Variants in SLIT3 observed in about 807,000 individuals in gnomAD.
SLIT3 encodes slit homolog 3 protein.
In SLIT3, 68 loss-of-function variants were observed where a neutral mutation model predicts 184.0. That is an observed-to-expected ratio of 0.37 (90% CI 0.30 to 0.45). The LOEUF is 0.45. SLIT3 is among the 20% of genes least tolerant of loss of function. The pLI is 1.00. For missense variants in SLIT3, 1,707 were observed against 2,026.0 expected (o/e 0.84, Z 3.02); for synonymous variants, 831 against 828.6 (o/e 1.00, Z -0.05).
At chr5:168,813,174 G>T (rs936871254) in intron 8 of SLIT3, among the ~76,000 whole-genome samples, 1 of 152,186 alleles carries the variant, frequency 6.6e-6, no homozygotes. Context: ...AGAGATAACT[G>T]ATTTAGGAGG....
intron 34 of SLIT3, 40 bp downstream of exon 34, chr5:168,671,158 G>A: frequency 6.3e-7 from 1 of 1,584,158 alleles, no homozygotes; most frequent in Non-Finnish European, 8.6e-7. Context: ...AGGCCATTCT[G>A]GGAGCTCGAG....
At chr5:169,125,278 C>A (rs542328764) in intron 4 of SLIT3, among the ~76,000 whole-genome samples, 1 of 152,190 alleles carries the variant, frequency 6.6e-6, no homozygotes, top group Non-Finnish European at 1.5e-5. Context: ...GATCTTCTGA[C>A]GTGGTGATCC....
chr5:169,144,192 C>A (rs963589809), intron 4 of SLIT3, among the ~76,000 whole-genome samples: 3 of 152,184 alleles, frequency 2.0e-5, no homozygotes, highest in East Asian at 1.9e-4. Flanking sequence ...CTTTATTTTC[C>A]ATTCTTTGAA....
At chr5:169,163,548 C>T (rs1011660902) in intron 4 of SLIT3, among the ~76,000 whole-genome samples, 4 of 152,110 alleles carry the variant, frequency 2.6e-5, no homozygotes, top group African/African-American at 9.7e-5. Flanking sequence ...CTCCCTTTTC[C>T]CTAGTGTCTC....
chr5:168,892,895 G>A (rs751626743), intron 4 of SLIT3, among the ~76,000 whole-genome samples: 1 of 152,192 alleles, frequency 6.6e-6, no homozygotes, highest in Admixed American at 6.5e-5. Context: ...TACATTAGGT[G>A]GGATTGGGGA....
Position 169,289,958 on chromosome 5 carries a change from G to A in SLIT3, c.197+10555C>T, listed in dbSNP as rs567377460. 8.6e-5 allele frequency among the ~76,000 whole-genome samples: 13 copies of A among 151,960 alleles called. No individual in the cohort carries two copies. The East Asian group carries it at 2.5e-3, about 29-fold the overall frequency. On this transcript the variant is annotated intron_variant, in intron 1 of 35. Coordinates refer to ENST00000519560, the MANE Select transcript of SLIT3 (RefSeq NM_003062.4). ...GAACATACACCAGGGCATACGCTAAGGCACACACTAGGGAATATGCTAGGG... is the reference window on the plus strand; with the variant it reads ...GAACATACACCAGGGCATACGCTAAAGCACACACTAGGGAATATGCTAGGG...
intron 4 of SLIT3, chr5:169,023,837 G>A (rs1324683957): frequency 6.6e-6 from 1 of 152,184 alleles, no homozygotes; most frequent in African/African-American, 2.4e-5. Flanking sequence ...AAAGACAGAG[G>A]TGAGCTGGTA....
At chr5:169,121,483 T>TG (rs1240002904) in intron 4 of SLIT3, among the ~76,000 whole-genome samples, 3 of 152,202 alleles carry the variant, frequency 2.0e-5, no homozygotes, top group African/African-American at 7.2e-5. Context: ...TTACTGACAC[T>TG]GAGGCTGCTG....
intron 4 of SLIT3, among the ~76,000 whole-genome samples, chr5:169,134,296 C>T (rs796657568): frequency 1.3e-5 from 2 of 152,310 alleles, no homozygotes; most frequent in African/African-American, 4.8e-5. Flanking sequence ...GTGGGCCCCT[C>T]GGTCTCTTTG....
At chr5:168,868,607 C>T (rs1255302053) in intron 5 of SLIT3, among the ~76,000 whole-genome samples, 1 of 151,630 alleles carries the variant, frequency 6.6e-6, no homozygotes, top group African/African-American at 2.4e-5. Flanking sequence ...AATTAGCTGG[C>T]CGTGGTGGCG....
At chr5:168,877,120 TG>T (rs2113777883) in intron 5 of SLIT3, among the ~76,000 whole-genome samples, 1 of 152,312 alleles carries the variant, frequency 6.6e-6, no homozygotes, top group South Asian at 2.1e-4. Flanking sequence ...AGGTTTGCTA[TG>T]TGCATCCAGA....
At chr5:169,098,733 T>C (rs964731395) in intron 4 of SLIT3, among the ~76,000 whole-genome samples, 1 of 152,232 alleles carries the variant, frequency 6.6e-6, no homozygotes, top group Admixed American at 6.5e-5. Flanking sequence ...CATTTGATCA[T>C]ACGTCTCCTT....
chr5:168,789,526 C>T (rs1243114178), intron 11 of SLIT3, 34 bp downstream of exon 11: 7 of 1,575,424 alleles, frequency 4.4e-6, no homozygotes, highest in Non-Finnish European at 6.1e-6. Flanking sequence ...CCCCCCCTCC[C>T]CTCACCTCAG....
intron 1 of SLIT3, among the ~76,000 whole-genome samples, chr5:169,270,950 C>T (rs778134133): frequency 2.6e-5 from 4 of 152,162 alleles, no homozygotes; most frequent in Non-Finnish European, 2.9e-5. Flanking sequence ...ACATGTCAAA[C>T]GGCTAGGACA....
At chr5:168,773,075 C>G (rs138176011) in intron 13 of SLIT3, 131 bp from the exon 14 acceptor site, 3 of 913,804 alleles carry the variant, frequency 3.3e-6, no homozygotes, top group Admixed American at 6.3e-5. Flanking sequence ...CCCCAGGAAG[C>G]CTTAGGGGGT....
intron 4 of SLIT3, among the ~76,000 whole-genome samples, chr5:169,114,100 A>G (rs1016665654): frequency 7.2e-5 from 11 of 152,184 alleles, no homozygotes; most frequent in Non-Finnish European, 1.6e-4. Flanking sequence ...CAGCAGCTCA[A>G]CTACCCTCCC....
intron 4 of SLIT3, among the ~76,000 whole-genome samples, chr5:169,056,091 G>C (rs1757993678): frequency 6.6e-6 from 1 of 152,146 alleles, no homozygotes; most frequent in Non-Finnish European, 1.5e-5. Flanking sequence ...AGGTTTTGTA[G>C]AAGTCCAGGA....
At chr5:169,271,857 A>G (rs947142583) in intron 1 of SLIT3, among the ~76,000 whole-genome samples, 6 of 152,166 alleles carry the variant, frequency 3.9e-5, no homozygotes, top group African/African-American at 1.4e-4. Flanking sequence ...AGACCCTATC[A>G]TTATGGGGTA....
intron 26 of SLIT3, among the ~76,000 whole-genome samples, chr5:168,705,950 A>G (rs145946457): frequency 6.6e-6 from 1 of 152,366 alleles, no homozygotes; most frequent in African/African-American, 2.4e-5. Flanking sequence ...AAATAAATGC[A>G]TAAGCTCCAG....
Sources: gnomAD v4.1 joint callset for allele counts (sites outside exome capture counted in the v4.1 genomes callset) on GRCh38, gnomAD v4.1.1 for gene constraint, MANE v1.5 for transcripts, NCBI Gene and HGNC (gene_info 2026-07-23, HGNC 2026-07-21) for gene names.